Variants in EEIG1 observed in about 807,000 individuals in gnomAD.
EEIG1 encodes the protein early estrogen-induced gene 1 protein.
At chr9:127,950,762 C>T in the EEIG1 span, 98 of 1,319,508 alleles carry the variant, frequency 7.4e-5, no homozygotes, top group Non-Finnish European at 9.4e-5. Context: ...CCCTGAGCTG[C>T]ACAAAGCACC....
chr9:127,974,073 C>T, the EEIG1 span, among the ~76,000 whole-genome samples: 1 of 152,190 alleles, frequency 6.6e-6, no homozygotes. Context: ...GGCCACTGTG[C>T]CCCCATCCAT....
At chr9:127,957,475 T>C in the EEIG1 span, among the ~76,000 whole-genome samples, 1 of 152,102 alleles carries the variant, frequency 6.6e-6, no homozygotes, top group Non-Finnish European at 1.5e-5. Flanking sequence ...TCTAAATAAA[T>C]GGAAAGACAT....
At chr9:127,956,216 T>C in the EEIG1 span, among the ~76,000 whole-genome samples, 1 of 152,178 alleles carries the variant, frequency 6.6e-6, no homozygotes, top group African/African-American at 2.4e-5. Context: ...AGCACCAGTG[T>C]GTGCCAGGCC....
At chr9:127,945,715 C>G in the EEIG1 span, 1 of 1,585,044 alleles carries the variant, frequency 6.3e-7, no homozygotes, top group East Asian at 2.3e-5. The surrounding 1 kb of genome is among the most constrained non-coding windows in gnomAD (Gnocchi z 6.5). Flanking sequence ...AACACCTCCT[C>G]AGGGCTGGAC....
At chr9:127,942,411 T>G in the EEIG1 span, 1 of 152,558 alleles carries the variant, frequency 6.6e-6, no homozygotes, top group Admixed American at 6.5e-5. Flanking sequence ...CCTGGGCCTC[T>G]GACTGCACAG....
the EEIG1 span, chr9:127,941,826 A>C: frequency 3.3e-5 from 5 of 152,216 alleles, no homozygotes; most frequent in African/African-American, 9.6e-5. Flanking sequence ...AGGAGGCAAT[A>C]TTGAACCGTG....
chr9:127,948,930 C>T, the EEIG1 span, among the ~76,000 whole-genome samples: 1 of 152,168 alleles, frequency 6.6e-6, no homozygotes, highest in Non-Finnish European at 1.5e-5. Context: ...GCCCTAAAAT[C>T]TAGGCTGAGA....
chr9:127,969,497 G>A, the EEIG1 span, among the ~76,000 whole-genome samples: 1 of 152,132 alleles, frequency 6.6e-6, no homozygotes, highest in African/African-American at 2.4e-5. Flanking sequence ...AGACTACGAT[G>A]GGCACATAAT....
the EEIG1 span, among the ~76,000 whole-genome samples, chr9:127,962,550 G>A: frequency 1.5e-4 from 23 of 152,280 alleles, no homozygotes; most frequent in African/African-American, 5.1e-4. Flanking sequence ...CACCAGGGCC[G>A]GCTGTGACCT....
chr9:127,944,487 T>C, the EEIG1 span: 8 of 694,790 alleles, frequency 1.2e-5, no homozygotes, highest in South Asian at 1.2e-4. Context: ...TTCAGAGACA[T>C]GACAGGCCCA....
the EEIG1 span, chr9:127,963,687 G>A: frequency 3.3e-5 from 5 of 152,496 alleles, no homozygotes; most frequent in African/African-American, 1.2e-4. Flanking sequence ...CCCATCCCAG[G>A]AAGCACGCCA....
At chr9:127,978,500 C>T in the EEIG1 span, among the ~76,000 whole-genome samples, 1 of 151,798 alleles carries the variant, frequency 6.6e-6, no homozygotes, top group African/African-American at 2.4e-5. Flanking sequence ...TCGGCCAGGC[C>T]CTGCCCGCAT....
the EEIG1 span, among the ~76,000 whole-genome samples, chr9:127,965,759 G>A: frequency 3.9e-5 from 6 of 152,246 alleles, no homozygotes; most frequent in Non-Finnish European, 7.3e-5. Context: ...GTGCTTCCCC[G>A]AAGAGAAGAG....
chr9:127,951,614 G>C, the EEIG1 span, among the ~76,000 whole-genome samples: 1 of 151,998 alleles, frequency 6.6e-6, no homozygotes, highest in Non-Finnish European at 1.5e-5. Flanking sequence ...AGGAGATCGA[G>C]ACCATCCTGG....
At chr9:127,969,436 T>C in the EEIG1 span, among the ~76,000 whole-genome samples, 8 of 152,212 alleles carry the variant, frequency 5.3e-5, no homozygotes, top group Non-Finnish European at 1.0e-4. Context: ...ATAACTGCCC[T>C]GGATGAATAC....
chr9:127,964,952 T>C, the EEIG1 span, among the ~76,000 whole-genome samples: 1 of 151,716 alleles, frequency 6.6e-6, no homozygotes. Context: ...CTACTAAAAA[T>C]ACAAAAATTA....
the EEIG1 span, chr9:127,963,608 GC>G: frequency 6.6e-6 from 1 of 152,272 alleles, no homozygotes; most frequent in Non-Finnish European, 1.5e-5. Flanking sequence ...GGTGTCCTTG[GC>G]CCAGCAGAAC....
chr9:127,970,462 GTT>G, the EEIG1 span, among the ~76,000 whole-genome samples: 3,207 of 152,274 alleles, frequency 0.021, 115 homozygotes, highest in East Asian at 0.08. Context: ...GCTCAACGTT[GTT>G]TGTCAGACTG....
chr9:127,970,555 G>A, the EEIG1 span, among the ~76,000 whole-genome samples: 2 of 152,142 alleles, frequency 1.3e-5, no homozygotes, highest in African/African-American at 2.4e-5. Context: ...GTAATTCCCT[G>A]ATGACAGAGG....
Sources: allele counts gnomAD v4.1 joint callset (sites outside exome capture counted in the v4.1 genomes callset), GRCh38; gene constraint gnomAD v4.1.1; non-coding constraint Gnocchi (gnomAD v3.1); transcripts MANE v1.5; gene names NCBI Gene and HGNC (gene_info 2026-07-23, HGNC 2026-07-21).